Variants in SMAGP observed in about 807,000 individuals in gnomAD.
SMAGP encodes the protein small cell transmembrane and glycosylated protein.
In SMAGP, 7 loss-of-function variants were observed where a neutral mutation model predicts 10.1. That is an observed-to-expected ratio of 0.70 (90% CI 0.40 to 1.31). The LOEUF is 1.31. SMAGP is among the 50% of genes most tolerant of loss of function. The pLI, the probability that SMAGP is intolerant of heterozygous loss-of-function variation, is 0.01. For synonymous variants in SMAGP, 49 were observed against 47.2 expected, an observed-to-expected ratio of 1.04 and a Z score of -0.16; for missense variants, 113 against 116.5, an observed-to-expected ratio of 0.97 and a Z score of 0.14.
intron 2 of SMAGP, among the ~76,000 whole-genome samples, chr12:51,264,934 G>GAAA (rs757470160): frequency 1.5e-5 from 1 of 68,634 alleles, no homozygotes; most frequent in Non-Finnish European, 3.2e-5. Context: ...TCCATCGCCA[G>GAAA]AAAAAAAAAA....
intron 2 of SMAGP, among the ~76,000 whole-genome samples, chr12:51,262,166 G>A (rs1229321900): frequency 6.6e-6 from 1 of 151,982 alleles, no homozygotes; most frequent in Non-Finnish European, 1.5e-5. Context: ...TGTTCTCTGA[G>A]GGGCATGTAT....
intron 2 of SMAGP, among the ~76,000 whole-genome samples, chr12:51,263,909 T>C (rs1007010561): frequency 1.3e-5 from 2 of 152,038 alleles, no homozygotes; most frequent in African/African-American, 2.4e-5. Context: ...ATATTAAGGT[T>C]GTTATGCCAT....
At chr12:51,266,978 T>C (rs113631037) in intron 2 of SMAGP, among the ~76,000 whole-genome samples, 2,433 of 152,166 alleles carry the variant, frequency 0.016, 65 homozygotes, top group African/African-American at 0.056. Flanking sequence ...TAGCCAGGCG[T>C]GGTAGCGCAC....
chr12:51,248,422 ACACACACACACACTCTCT>A (rs1477111784), intron 2 of SMAGP, among the ~76,000 whole-genome samples: 2 of 111,204 alleles, frequency 1.8e-5, no homozygotes, highest in African/African-American at 3.6e-5. Context: ...ACACACACAC[ACACACACACACACTCTCT>A]CTCTCTCTCT....
chr12:51,264,975 C>T (rs1277904711), intron 2 of SMAGP, among the ~76,000 whole-genome samples: 2 of 147,592 alleles, frequency 1.4e-5, no homozygotes, highest in African/African-American at 5.0e-5. Flanking sequence ...AGGACTGATT[C>T]AACGATCAAT....
At chr12:51,256,142 A>G (rs933179637) in intron 2 of SMAGP, among the ~76,000 whole-genome samples, 5 of 152,150 alleles carry the variant, frequency 3.3e-5, no homozygotes, top group Non-Finnish European at 5.9e-5. Context: ...GAGATTCTGA[A>G]TATAATCTGA....
At chr12:51,260,929 A>C (rs533940609) in intron 2 of SMAGP, among the ~76,000 whole-genome samples, 1 of 150,248 alleles carries the variant, frequency 6.7e-6, no homozygotes. Context: ...TTCGTGATCC[A>C]CCCGCCTCAG....
chr12:51,252,244 T>C, intron 2 of SMAGP, among the ~76,000 whole-genome samples: 1 of 143,092 alleles, frequency 7.0e-6, no homozygotes, highest in South Asian at 2.3e-4. Context: ...CAGGCGCATG[T>C]CACCACGCCC....
chr12:51,270,078 C>G (rs1565662390), intron 1 of SMAGP, 178 bp downstream of exon 1: 1 of 151,822 alleles, frequency 6.6e-6, no homozygotes, highest in African/African-American at 2.4e-5. Flanking sequence ...GCGGAGCGCG[C>G]TGCGCTGGGG....
chr12:51,248,134 C>T (rs1944797378), intron 2 of SMAGP, among the ~76,000 whole-genome samples: 1 of 152,108 alleles, frequency 6.6e-6, no homozygotes, highest in African/African-American at 2.4e-5. Context: ...AGGTTTCCAT[C>T]CACAGCAAGT....
intron 2 of SMAGP, among the ~76,000 whole-genome samples, chr12:51,252,269 AT>A (rs1371320688): frequency 1.4e-5 from 2 of 144,264 alleles, no homozygotes; most frequent in South Asian, 2.2e-4. Context: ...AATTTTTTGT[AT>A]TTTTTAGTAG....
intron 2 of SMAGP, among the ~76,000 whole-genome samples, chr12:51,250,596 G>A (rs1044156018): frequency 1.3e-5 from 2 of 150,986 alleles, no homozygotes; most frequent in Non-Finnish European, 1.5e-5. Flanking sequence ...GGCTCACTGC[G>A]GCCTCAACCT....
At chr12:51,267,520 G>C (rs1944986764) in intron 2 of SMAGP, among the ~76,000 whole-genome samples, 1 of 126,818 alleles carries the variant, frequency 7.9e-6, no homozygotes, top group African/African-American at 3.0e-5. Flanking sequence ...TTAAGACAGG[G>C]TCTTGCTCTG....
intron 2 of SMAGP, among the ~76,000 whole-genome samples, chr12:51,249,687 G>A (rs1162497148): frequency 6.6e-6 from 1 of 151,732 alleles, no homozygotes; most frequent in Non-Finnish European, 1.5e-5. Flanking sequence ...GCGCAATCTC[G>A]GCTCACTGCA....
chr12:51,256,895 C>T (rs2137303142), intron 2 of SMAGP, among the ~76,000 whole-genome samples: 1 of 151,668 alleles, frequency 6.6e-6, no homozygotes, highest in African/African-American at 2.4e-5. Context: ...TAAAGAGAAC[C>T]CAAGACTGAG....
chr12:51,254,472 A>G (rs1944869489), intron 2 of SMAGP, among the ~76,000 whole-genome samples: 1 of 152,106 alleles, frequency 6.6e-6, no homozygotes, highest in Admixed American at 6.6e-5. Flanking sequence ...ACTTGAACCC[A>G]GGAGGCGGAG....
At chr12:51,247,721 G>A (rs1281739351) in intron 2 of SMAGP, among the ~76,000 whole-genome samples, 2 of 152,118 alleles carry the variant, frequency 1.3e-5, no homozygotes, top group Admixed American at 6.6e-5. Context: ...GAGGCACCCC[G>A]ACCTGACTGG....
At chr12:51,255,491 G>A (rs1213064243) in intron 2 of SMAGP, among the ~76,000 whole-genome samples, 1 of 152,178 alleles carries the variant, frequency 6.6e-6, no homozygotes, top group African/African-American at 2.4e-5. Context: ...ACCATGTTGA[G>A]AGGAACCCCA....
chr12:51,262,423 G>GT (rs1357398018), intron 2 of SMAGP, among the ~76,000 whole-genome samples: 3 of 152,148 alleles, frequency 2.0e-5, no homozygotes, highest in Non-Finnish European at 4.4e-5. Context: ...TGAGGCTGCA[G>GT]TGAGCTGTGA....
Sources: allele counts gnomAD v4.1 joint callset (sites outside exome capture counted in the v4.1 genomes callset), GRCh38; gene constraint gnomAD v4.1.1; transcripts MANE v1.5; gene names NCBI Gene and HGNC (gene_info 2026-07-23, HGNC 2026-07-21).